The following ARHGEF7 variants were observed in gnomAD, a reference collection of about 807,000 sequenced individuals.
The protein encoded by ARHGEF7 is Rho guanine nucleotide exchange factor 7.
In ARHGEF7, 33 loss-of-function variants were observed where a neutral mutation model predicts 109.8. The observed-to-expected ratio is 0.30, with a 90% CI of 0.23 to 0.40. The LOEUF is 0.40. Among genes scored for constraint, ARHGEF7 ranks in the 10% least tolerant of loss-of-function variants. The pLI is 1.00. For missense variants in ARHGEF7, 938 were observed against 1,098.5 expected, an observed-to-expected ratio of 0.85 and a Z score of 2.07; for synonymous variants, 458 against 424.6, an observed-to-expected ratio of 1.08 and a Z score of -0.97.
chr13:111,230,214 A>G (rs1286175637), intron 5 of ARHGEF7, among the ~76,000 whole-genome samples: 1 of 152,218 alleles, frequency 6.6e-6, no homozygotes, highest in Non-Finnish European at 1.5e-5. Context: ...GCCCTTGGAA[A>G]GGTAGCACTA....
intron 12 of ARHGEF7, 173 bp downstream of exon 12, chr13:111,275,851 G>A (rs1390081854): frequency 5.1e-6 from 4 of 781,466 alleles, no homozygotes; most frequent in South Asian, 3.4e-5. Context: ...GCATGTTAGA[G>A]AGGCTTAGAG....
intron 8 of ARHGEF7, among the ~76,000 whole-genome samples, chr13:111,247,546 C>T (rs1361164003): frequency 6.6e-6 from 1 of 152,154 alleles, no homozygotes; most frequent in Non-Finnish European, 1.5e-5. Flanking sequence ...GTTGGGATTA[C>T]AGGCGTGAGC....
At chr13:111,158,973 C>T (rs1555348112) in intron 2 of ARHGEF7, 10 of 716,322 alleles carry the variant, frequency 1.4e-5, no homozygotes, top group South Asian at 4.5e-5. Flanking sequence ...TTATTCCTCC[C>T]GTCCGACTGA....
chr13:111,244,235 T>C lies in ARHGEF7; in HGVS notation c.891T>C (p.Asn297=). ...CAAACATTTCATATTTAATGGGAAA[T>C]CTAGAAGAAATATGTTCTTTCCAGC... ...SSANISYLMG[N]LEEICSFQQM... is the part of the protein sequence containing the mutation. Residue 297 remains asparagine, a synonymous_variant, in exon 8 of 22, where the codon AAT becomes AAC. Coordinates refer to ENST00000646102, the MANE Select transcript of ARHGEF7 (RefSeq NM_001354046.2). 1 of 1,609,982 alleles carries C rather than the reference T, an allele frequency of 6.2e-7. No homozygotes were observed. The highest frequency in any genetic ancestry group is 8.5e-7 in the Non-Finnish European group (1 of 1,178,390).
At chr13:111,294,777 C>T in intron 19 of ARHGEF7, 1 of 985,612 alleles carries the variant, frequency 1.0e-6, no homozygotes, top group Non-Finnish European at 1.2e-6. Context: ...TTTATTTGTA[C>T]AGTTAGTATT....
intron 1 of ARHGEF7, among the ~76,000 whole-genome samples, chr13:111,120,442 C>T (rs2067109192): frequency 6.6e-6 from 1 of 152,094 alleles, no homozygotes; most frequent in Non-Finnish European, 1.5e-5. Flanking sequence ...CCTGCACAAA[C>T]ATGCACATAC....
At chr13:111,241,267 C>T (rs1435462801) in intron 6 of ARHGEF7, 4 of 1,536,152 alleles carry the variant, frequency 2.6e-6, no homozygotes, top group African/African-American at 2.7e-5. Flanking sequence ...CTGTGGCGTC[C>T]AGGCTGTGAG....
intron 2 of ARHGEF7, among the ~76,000 whole-genome samples, chr13:111,160,330 T>TG (rs1432159553): frequency 6.6e-6 from 1 of 150,534 alleles, no homozygotes; most frequent in Non-Finnish European, 1.5e-5. Context: ...CTTTAGTTAT[T>TG]GGGGTTTTTT....
intron 2 of ARHGEF7, chr13:111,159,000 A>C: frequency 1.4e-6 from 1 of 718,084 alleles, no homozygotes; most frequent in Non-Finnish European, 2.6e-6. Flanking sequence ...GTACCCTTTG[A>C]CTAACATCTC....
At chr13:111,199,473 C>CTA (rs977614330) in intron 2 of ARHGEF7, among the ~76,000 whole-genome samples, 1 of 152,194 alleles carries the variant, frequency 6.6e-6, no homozygotes, top group Non-Finnish European at 1.5e-5. Context: ...GCACAGGTGA[C>CTA]TATAAGCTCC....
At chr13:111,185,637 G>T (rs1389839338) in intron 2 of ARHGEF7, among the ~76,000 whole-genome samples, 1 of 152,248 alleles carries the variant, frequency 6.6e-6, no homozygotes, top group Non-Finnish European at 1.5e-5. Flanking sequence ...CATCTGCCCA[G>T]ATCCTTCTTT....
At chr13:111,241,222 G>GGGTT (rs2153540617) in intron 6 of ARHGEF7, 1 of 1,536,170 alleles carries the variant, frequency 6.5e-7, no homozygotes, top group African/African-American at 1.4e-5. Context: ...AAAACTGCCT[G>GGGTT]CGTCCTCTGG....
chr13:111,291,873 A>G lies in ARHGEF7; in HGVS notation c.2135-245A>G, dbSNP rs142566375. ...AAAAAAGCAGTTTGAAACATTGTAT[A>G]TTAGGTTTAATTAGATAATAATCGA... On this transcript the variant is annotated intron_variant, in intron 18 of 21. Transcript: ENST00000646102. Among the ~76,000 whole-genome samples, 30 of 152,334 alleles carry G rather than the reference A, an allele frequency of 2.0e-4. No homozygotes were observed. In the East Asian group the frequency reaches 5.0e-3, roughly 25 times the overall value.
chr13:111,189,518 G>A (rs1023016713), intron 2 of ARHGEF7, among the ~76,000 whole-genome samples: 1 of 152,162 alleles, frequency 6.6e-6, no homozygotes, highest in Non-Finnish European at 1.5e-5. Context: ...GCAGACCCTC[G>A]TGGTGAGTGT....
At chr13:111,271,820 A>G (rs1368328459) in intron 9 of ARHGEF7, among the ~76,000 whole-genome samples, 2 of 152,332 alleles carry the variant, frequency 1.3e-5, no homozygotes, top group Non-Finnish European at 1.5e-5. Flanking sequence ...ACAAGTGGAT[A>G]TATGCAACAT....
chr13:111,206,137 T>C (rs930977324), intron 3 of ARHGEF7, among the ~76,000 whole-genome samples: 41 of 152,026 alleles, frequency 2.7e-4, no homozygotes, highest in African/African-American at 9.4e-4. Context: ...ATGTTAAATA[T>C]CAGGTTTGTG....
chr13:111,143,034 G>A (rs1263826703), intron 1 of ARHGEF7, among the ~76,000 whole-genome samples: 2 of 151,974 alleles, frequency 1.3e-5, no homozygotes, highest in Non-Finnish European at 2.9e-5. Flanking sequence ...GGTGGCAGTA[G>A]GACACTTCAG....
chr13:111,183,641 T>C (rs2078974071), intron 2 of ARHGEF7, among the ~76,000 whole-genome samples: 1 of 152,242 alleles, frequency 6.6e-6, no homozygotes, highest in Admixed American at 6.5e-5. Flanking sequence ...GATTTTTACC[T>C]ATAAACCCTC....
chr13:111,164,741 C>G (rs990220159), intron 2 of ARHGEF7, among the ~76,000 whole-genome samples: 2 of 152,172 alleles, frequency 1.3e-5, no homozygotes, highest in Middle Eastern at 3.2e-3. Context: ...CAAGTTGTTA[C>G]CACCATTTTC....
Sources: gnomAD v4.1 joint callset for allele counts (sites outside exome capture counted in the v4.1 genomes callset) on GRCh38, gnomAD v4.1.1 for gene constraint, MANE v1.5 for transcripts, NCBI Gene and HGNC (gene_info 2026-07-23, HGNC 2026-07-21) for gene names.